Variants in PATJ observed in about 807,000 individuals in gnomAD.
The protein encoded by PATJ is inaD-like protein.
Under a neutral mutation model 224.9 loss-of-function variants are expected in PATJ, and 190 were observed. The ratio of observed to expected loss-of-function variants is 0.84; its 90% CI spans 0.75 to 0.95. The LOEUF is 0.95. Ranked by LOEUF, PATJ falls within the 40% of genes least tolerant of loss-of-function variation. PATJ has a pLI of 0.00. For missense variants in PATJ, 2,121 were observed against 2,270.3 expected (o/e 0.93, Z 1.34); for synonymous variants, 769 against 820.3 (o/e 0.94, Z 1.07).
chr1:61,874,175 TA>T (rs1398632398), intron 20 of PATJ, among the ~76,000 whole-genome samples: 1 of 50,640 alleles, frequency 2.0e-5, no homozygotes, highest in South Asian at 5.0e-4. Context: ...GGGCCTATTT[TA>T]TTTATTTATT....
chr1:62,021,382 T>A (rs530970723), intron 29 of PATJ, among the ~76,000 whole-genome samples: 16 of 152,174 alleles, frequency 1.1e-4, no homozygotes, highest in Non-Finnish European at 2.2e-4. Context: ...TTTCAACAAA[T>A]GAATTTTGAG....
chr1:62,038,915 A>AT (rs1455333522), intron 30 of PATJ: 35 of 975,862 alleles, frequency 3.6e-5, no homozygotes, highest in Non-Finnish European at 5.6e-5. Context: ...CTGTGCACAG[A>AT]TTCACTTAAT....
At chr1:62,000,200 G>GTT (rs542299615) in intron 28 of PATJ, among the ~76,000 whole-genome samples, 1 of 115,786 alleles carries the variant, frequency 8.6e-6, no homozygotes, top group Non-Finnish European at 2.0e-5. Flanking sequence ...AGAGTTTTTT[G>GTT]TTTTTTTTTT....
chr1:61,889,164 G>A (rs997665103), intron 22 of PATJ, among the ~76,000 whole-genome samples: 1 of 152,154 alleles, frequency 6.6e-6, no homozygotes, highest in Admixed American at 6.5e-5. Context: ...GTATTTTACA[G>A]TTTCTTCCTT....
chr1:61,780,676 T>C (rs993984751), intron 7 of PATJ, among the ~76,000 whole-genome samples: 1 of 151,954 alleles, frequency 6.6e-6, no homozygotes, highest in Non-Finnish European at 1.5e-5. Context: ...TTTTCCAAAA[T>C]GCAAAGTGGA....
rs1276376199 is a variant in PATJ at position 62,145,738 on chromosome 1, T to C, written c.5272-2546T>C. ...TGGGAGGCCAAGGCGGGCAGATCACTTGAGGTCAGGAGTTTGAGACCAGCC... is the reference window on the plus strand; with the variant it reads ...TGGGAGGCCAAGGCGGGCAGATCACCTGAGGTCAGGAGTTTGAGACCAGCC... On this transcript the variant is annotated intron_variant, in intron 41 of 43. Transcript: ENST00000642238. 2.0e-5 allele frequency among the ~76,000 whole-genome samples: 3 copies of C among 151,882 alleles called. No individual in the cohort carries two copies. The East Asian group carries it at 5.9e-4, about 30-fold the overall frequency.
intron 9 of PATJ, among the ~76,000 whole-genome samples, chr1:61,793,448 T>C (rs1025984822): frequency 6.6e-6 from 1 of 152,102 alleles, no homozygotes; most frequent in African/African-American, 2.4e-5. Flanking sequence ...AAATGTCAAG[T>C]GCGTGCTGCG....
In PATJ at chr1:62,035,260, C is replaced by T. The variant is rs372750830; in HGVS notation, c.3960-2717C>T. The stretch of plus-strand genomic sequence containing the variant: ...GAAATGCAGTCAGAAAAAACAGATG[C>T]GCTTGATACGCTATGTCACTTTATA... On this transcript the variant is annotated intron_variant, in intron 29 of 43. Coordinates refer to ENST00000642238, the MANE Select transcript of PATJ (RefSeq NM_001350145.3). Among the ~76,000 whole-genome samples, 77 of 152,270 alleles carry T rather than the reference C, an allele frequency of 5.1e-4. No homozygotes were observed. In the East Asian group the frequency reaches 5.8e-3, roughly 11 times the overall value.
intron 1 of PATJ, among the ~76,000 whole-genome samples, chr1:61,750,534 C>T (rs1051074213): frequency 1.6e-4 from 24 of 148,146 alleles, no homozygotes; most frequent in African/African-American, 5.7e-4. Flanking sequence ...CTCCCGGGTT[C>T]GGGTGATTCT....
chr1:61,997,999 A>ATAATATAT (rs1645495476), intron 28 of PATJ, among the ~76,000 whole-genome samples: 1 of 99,040 alleles, frequency 1.0e-5, no homozygotes, highest in Non-Finnish European at 1.8e-5. Context: ...TGTATATATA[A>ATAATATAT]TATATTATAT....
intron 26 of PATJ, among the ~76,000 whole-genome samples, chr1:61,927,222 A>G (rs1204737096): frequency 6.6e-6 from 1 of 152,226 alleles, no homozygotes; most frequent in Non-Finnish European, 1.5e-5. Flanking sequence ...TATAAATTAT[A>G]GATGAATACA....
chr1:61,928,777 C>A (rs1675594050), intron 27 of PATJ, among the ~76,000 whole-genome samples: 2 of 151,050 alleles, frequency 1.3e-5, no homozygotes, highest in Non-Finnish European at 3.0e-5. Flanking sequence ...TTATATTTTT[C>A]TTAATATAAT....
At chr1:61,783,348 A>G (rs1278169214) in intron 7 of PATJ, among the ~76,000 whole-genome samples, 5 of 151,976 alleles carry the variant, frequency 3.3e-5, no homozygotes, top group Admixed American at 2.0e-4. Context: ...CTGGCCTGGA[A>G]TCAAACATAG....
intron 29 of PATJ, among the ~76,000 whole-genome samples, chr1:62,020,116 G>A (rs1238051610): frequency 2.0e-5 from 3 of 152,136 alleles, no homozygotes; most frequent in East Asian, 3.9e-4. Context: ...GCTGCAGTGA[G>A]CCATGATCAC....
chr1:62,128,979 G>C (rs567910564), intron 41 of PATJ, 34 bp downstream of exon 41: 2 of 1,414,868 alleles, frequency 1.4e-6, no homozygotes, highest in Non-Finnish European at 2.0e-6. Flanking sequence ...AGCTGTGCAA[G>C]GCAGATAAGT....
chr1:61,829,517 A>G (rs1342648852), intron 16 of PATJ, among the ~76,000 whole-genome samples: 3 of 152,254 alleles, frequency 2.0e-5, no homozygotes, highest in Non-Finnish European at 4.4e-5. Context: ...GGTGAACAAC[A>G]GCTTTGAATC....
chr1:62,087,000 C>T lies in PATJ; in HGVS notation c.4377+2352C>T, dbSNP rs896605898. ...GGTACGTTATCAGCTCAGTGGGCCC[C>T]TTGCCTTGTTGCATGGGGCAGCTGC... is the stretch of plus-strand genomic sequence containing the variant. On this transcript the variant is annotated intron_variant, in intron 33 of 43. Transcript: ENST00000642238. This position sits in a 1 kb window ranked among gnomAD's most constrained non-coding sequence, Gnocchi z 4.0. 6.6e-6 allele frequency among the ~76,000 whole-genome samples: 1 copy of T among 152,162 alleles called. No homozygotes were observed.
At chr1:62,024,374 T>C (rs1647361061) in intron 29 of PATJ, among the ~76,000 whole-genome samples, 1 of 152,188 alleles carries the variant, frequency 6.6e-6, no homozygotes, top group African/African-American at 2.4e-5. Context: ...ACCAATTCAA[T>C]TTCAGAAGTT....
At chr1:61,956,311 C>T (rs1348123819) in intron 27 of PATJ, among the ~76,000 whole-genome samples, 6 of 152,154 alleles carry the variant, frequency 3.9e-5, no homozygotes, top group African/African-American at 1.2e-4. Flanking sequence ...GTGAGTCACT[C>T]AGTATTTTCA....
Sources: gnomAD v4.1 joint callset for allele counts (sites outside exome capture counted in the v4.1 genomes callset) on GRCh38, gnomAD v4.1.1 for gene constraint, Gnocchi (gnomAD v3.1) non-coding constraint, MANE v1.5 for transcripts, NCBI Gene and HGNC (gene_info 2026-07-23, HGNC 2026-07-21) for gene names.